AFF3: variants seen among roughly 807,000 people sequenced by gnomAD.
The protein encoded by AFF3 is ALF transcription elongation factor 3.
AFF3 carries 32 observed loss-of-function variants against 129.7 expected under a neutral mutation model. The observed-to-expected ratio is 0.25, with a 90% CI of 0.19 to 0.33. AFF3 has a LOEUF of 0.33. Ranked by LOEUF, AFF3 falls within the 10% of genes least tolerant of loss-of-function variation. The pLI, the probability that AFF3 is intolerant of heterozygous loss-of-function variation, is 1.00. For synonymous variants in AFF3, 644 were observed against 635.4 expected (o/e 1.01, Z -0.20); for missense variants, 1,373 against 1,592.0 (o/e 0.86, Z 2.34).
chr2:100,070,955 A>C (rs1258681950), intron 4 of AFF3, among the ~76,000 whole-genome samples: 2 of 152,190 alleles, frequency 1.3e-5, no homozygotes, highest in Non-Finnish European at 2.9e-5. Context: ...TTCTTATAAT[A>C]GGATATATTG....
At chr2:99,960,554 T>TA (rs772550081) in intron 7 of AFF3, among the ~76,000 whole-genome samples, 6 of 152,328 alleles carry the variant, frequency 3.9e-5, no homozygotes, top group Admixed American at 1.3e-4. Context: ...CTGCTCTCCT[T>TA]ATGACAACCC....
chr2:99,638,849 A>G (rs959960393), intron 13 of AFF3, among the ~76,000 whole-genome samples: 4 of 152,188 alleles, frequency 2.6e-5, no homozygotes, highest in African/African-American at 4.8e-5. Context: ...CATTAAGTAC[A>G]TGTATGTTGT....
At chr2:99,851,082 A>C (rs1399287222) in intron 7 of AFF3, among the ~76,000 whole-genome samples, 1 of 152,254 alleles carries the variant, frequency 6.6e-6, no homozygotes, top group Non-Finnish European at 1.5e-5. Context: ...CTCAGAGAGA[A>C]GGGTTCACAC....
chr2:99,746,368 C>A (rs1277311491), intron 9 of AFF3, among the ~76,000 whole-genome samples: 2 of 152,018 alleles, frequency 1.3e-5, no homozygotes, highest in Non-Finnish European at 2.9e-5. Flanking sequence ...GTGTTATATT[C>A]AAATCCAAGT....
chr2:100,118,201 TA>T (rs1228918227), intron 2 of AFF3, among the ~76,000 whole-genome samples: 1 of 152,342 alleles, frequency 6.6e-6, no homozygotes, highest in Admixed American at 6.5e-5. Flanking sequence ...ATGAACTAAA[TA>T]AATGCATATA....
chr2:99,805,362 G>C (rs922286327), intron 8 of AFF3, among the ~76,000 whole-genome samples: 1 of 152,140 alleles, frequency 6.6e-6, no homozygotes, highest in Non-Finnish European at 1.5e-5. Context: ...TGTTACATTG[G>C]TGGTATTATG....
chr2:100,042,168 T>C (rs1685487984), intron 4 of AFF3, among the ~76,000 whole-genome samples: 1 of 152,136 alleles, frequency 6.6e-6, no homozygotes, highest in Admixed American at 6.5e-5. Flanking sequence ...AAGGCCCTTG[T>C]CCCCGCTGTT....
intron 11 of AFF3, 28 bp downstream of exon 11, chr2:99,727,049 T>A (rs1558790583): frequency 6.3e-7 from 1 of 1,578,812 alleles, no homozygotes; most frequent in Non-Finnish European, 8.7e-7. Flanking sequence ...AGAACAGGCA[T>A]CTCTGATAGA....
At position 99,869,249 on chromosome 2, in the gene AFF3, C is replaced by G. The variant is rs552023401; in HGVS notation, c.874-31725G>C. 2.6e-5 allele frequency among the ~76,000 whole-genome samples: 4 copies of G among 152,166 alleles called. No individual in the cohort carries two copies. The South Asian group carries it at 8.3e-4, about 32-fold the overall frequency. On this transcript the variant is annotated intron_variant, in intron 7 of 24. Coordinates refer to ENST00000672756, the MANE Select transcript of AFF3 (RefSeq NM_001386135.1). ...GAAGCGGTAAACTACAAGAAATGGA[C>G]GGGATTTGCAATCTTCCCAGAAAAT...
chr2:99,584,876 A>G (rs1316277708), intron 16 of AFF3, among the ~76,000 whole-genome samples: 1 of 152,246 alleles, frequency 6.6e-6, no homozygotes, highest in Non-Finnish European at 1.5e-5. Context: ...TCACTTCGAA[A>G]AGCAATTTCC....
At chr2:99,777,947 C>CAAAAAAAAAAAAAA (rs576434643) in intron 8 of AFF3, among the ~76,000 whole-genome samples, 12 of 48,340 alleles carry the variant, frequency 2.5e-4, no homozygotes, top group African/African-American at 3.7e-4. Flanking sequence ...AAAGCAAAAG[C>CAAAAAAAAAAAAAA]AAAAAAAAAA....
At chr2:99,842,088 C>T (rs1391783996) in intron 7 of AFF3, among the ~76,000 whole-genome samples, 1 of 152,028 alleles carries the variant, frequency 6.6e-6, no homozygotes, top group Non-Finnish European at 1.5e-5. Flanking sequence ...CCTTCTGTGA[C>T]ATTAAAAAAT....
chr2:99,587,750 G>A (rs1450313852), intron 15 of AFF3, among the ~76,000 whole-genome samples: 1 of 152,176 alleles, frequency 6.6e-6, no homozygotes, highest in African/African-American at 2.4e-5. Context: ...GGTGGCTCAT[G>A]CCTGTAATCC....
intron 7 of AFF3, among the ~76,000 whole-genome samples, chr2:99,915,417 C>G (rs1375888659): frequency 2.6e-5 from 4 of 152,104 alleles, no homozygotes; most frequent in African/African-American, 9.7e-5. Context: ...GCCATACAAA[C>G]CTGGCCTGGA....
At position 99,593,275 on chromosome 2, in the gene AFF3, C is replaced by G. The variant is rs778297466; in HGVS notation, c.2386G>C (p.Asp796His). Residue 796 changes from aspartate (D) to histidine (H), a missense_variant, in exon 15 of 25, where the codon GAC becomes CAC. By Grantham distance (81) the Asp-to-His change is moderately conservative. Coordinates refer to ENST00000672756, the MANE Select transcript of AFF3 (RefSeq NM_001386135.1). ...PGVLSAPATK[D>H]SESAPPSHTS... ...TGGCTGGGCGGTGCGCTCTCAGAGT[C>G]CTTGGTGGCAGGGGCGCTCAATACC... The G allele has an allele frequency of 7.4e-6, 12 of 1,613,814 alleles. No individual in the cohort carries two copies. The Admixed American group carries it at 2.0e-4, about 27-fold the overall frequency.
Position 99,594,268 on chromosome 2 carries a change from T to G in AFF3, c.1393A>C (p.Lys465Gln), listed in dbSNP as rs1418595279. The G allele has an allele frequency of 6.2e-7, 1 of 1,609,868 alleles. No homozygotes were observed. The highest frequency in any genetic ancestry group is 1.3e-5 in the African/African-American group (1 of 74,984). The stretch of plus-strand genomic sequence containing the variant: ...TTTAGCCATTTATCCAGCTGCCACT[T>G]GTTAGAGGATGCCGGTTCAGCCTGA... ...SPEAEPASSN[K>Q]WQLDKWLNKV... Residue 465 changes from lysine (K) to glutamine (Q), a missense_variant, in exon 15 of 25, where the codon AAG (lysine) becomes CAG (glutamine). Physicochemically the swap from Lys to Gln is moderately conservative, Grantham distance 53 (BLOSUM62 1). Transcript: ENST00000672756.
At chr2:100,118,636 T>G (rs925621828) in intron 2 of AFF3, among the ~76,000 whole-genome samples, 6 of 152,120 alleles carry the variant, frequency 3.9e-5, no homozygotes, top group Admixed American at 3.9e-4. Flanking sequence ...TTTTTTTTTC[T>G]GGTCGTTGTA....
intron 8 of AFF3, among the ~76,000 whole-genome samples, chr2:99,762,300 T>G (rs1220518626): frequency 1.3e-5 from 2 of 152,090 alleles, no homozygotes; most frequent in East Asian, 3.9e-4. Flanking sequence ...ATTTTTGTAT[T>G]TTTTAGTAGA....
intron 4 of AFF3, among the ~76,000 whole-genome samples, chr2:100,078,139 C>A (rs1056560771): frequency 6.6e-6 from 1 of 152,212 alleles, no homozygotes; most frequent in Admixed American, 6.5e-5. Context: ...CAAATTCATG[C>A]CAAGCTAGAC....
Sources: gnomAD v4.1 joint callset for allele counts (sites outside exome capture counted in the v4.1 genomes callset) on GRCh38, gnomAD v4.1.1 for gene constraint, MANE v1.5 for transcripts, NCBI Gene and HGNC (gene_info 2026-07-23, HGNC 2026-07-21) for gene names.